The following PRDM16 variants were observed in gnomAD, a reference collection of about 807,000 sequenced individuals.
PRDM16 encodes the protein histone-lysine N-methyltransferase PRDM16.
PRDM16 carries 23 observed loss-of-function variants against 110.6 expected under a neutral mutation model. The observed-to-expected ratio is 0.21, with a 90% CI of 0.15 to 0.29. The LOEUF is 0.29. Ranked by LOEUF, PRDM16 falls within the 10% of genes least tolerant of loss-of-function variation. The probability of loss-of-function intolerance (pLI) is 1.00; values close to 1 mark genes in which losing one functional copy is unlikely to be tolerated. For missense variants in PRDM16, 1,615 were observed against 1,794.3 expected, an observed-to-expected ratio of 0.90 and a Z score of 1.81; for synonymous variants, 799 against 781.8, an observed-to-expected ratio of 1.02 and a Z score of -0.37.
At chr1:3,357,999 C>A (rs1377610975) in intron 3 of PRDM16, among the ~76,000 whole-genome samples, 1 of 152,254 alleles carries the variant, frequency 6.6e-6, no homozygotes, top group East Asian at 1.9e-4. Flanking sequence ...CCTTGCTGTG[C>A]CCTTCACTGA....
At chr1:3,070,980 A>AG (rs1288880356) in intron 1 of PRDM16, among the ~76,000 whole-genome samples, 3 of 152,158 alleles carry the variant, frequency 2.0e-5, no homozygotes, top group Non-Finnish European at 4.4e-5. Context: ...GCCGACGCGA[A>AG]GGGGCTGTCT....
chr1:3,240,273 C>A (rs1569905275), intron 2 of PRDM16, among the ~76,000 whole-genome samples: 1 of 151,600 alleles, frequency 6.6e-6, no homozygotes, highest in Non-Finnish European at 1.5e-5. Context: ...ACAAATTAGC[C>A]GGGATGGTGG....
chr1:3,272,229 G>A (rs1014817590), intron 3 of PRDM16, among the ~76,000 whole-genome samples: 6 of 152,206 alleles, frequency 3.9e-5, no homozygotes, highest in Non-Finnish European at 8.8e-5. Flanking sequence ...CACTCCACGG[G>A]GACAGGCGTG....
In PRDM16 at chr1:3,435,721, C is replaced by T. The variant is rs778016708; in HGVS notation, c.*1910C>T. The T allele has an allele frequency of 3.0e-5, 7 of 232,224 alleles. No homozygotes were observed. Among genetic ancestry groups the T allele is most frequent in the East Asian group, 6.1e-5 (1 of 16,478 alleles). 14.4% of individuals were successfully genotyped at this position (232,224 alleles called of 1,614,324 possible). A position where few individuals can be genotyped will look rare whatever the true frequency, so the allele number is the denominator to read the frequency against. Reference sequence around the variant, plus strand: ...GGACATCTCCTCAGGCTGTCCCCAGCGGTGACGGGAGGTGTCCTGGCTGCT... The same window carrying T: ...GGACATCTCCTCAGGCTGTCCCCAGTGGTGACGGGAGGTGTCCTGGCTGCT... On this transcript the variant is annotated 3_prime_UTR_variant, in exon 17 of 17. Coordinates refer to ENST00000270722, the MANE Select transcript of PRDM16 (RefSeq NM_022114.4).
intron 1 of PRDM16, among the ~76,000 whole-genome samples, chr1:3,171,871 G>C (rs1323577941): frequency 6.6e-6 from 1 of 152,084 alleles, no homozygotes; most frequent in African/African-American, 2.4e-5. Context: ...GCCCTGCTTG[G>C]ATCAGGCGCC....
chr1:3,106,264 G>A (rs147527903), intron 1 of PRDM16, among the ~76,000 whole-genome samples: 106 of 152,358 alleles, frequency 7.0e-4, no homozygotes, highest in Non-Finnish European at 1.2e-3. Context: ...CTTTGGATGC[G>A]ATGGGGGTGT....
Position 3,109,041 on chromosome 1 carries a change from C to A in PRDM16, c.37+39745C>A, listed in dbSNP as rs202039388. Reference sequence around the variant, plus strand: ...AGGTTGCAGTGAGCCAAGATTGCACCACTGCACTCCAGCCTGGGTGACAGA... The same window carrying A: ...AGGTTGCAGTGAGCCAAGATTGCACAACTGCACTCCAGCCTGGGTGACAGA... On this transcript the variant is annotated intron_variant, in intron 1 of 16. Transcript: ENST00000270722. Among the ~76,000 whole-genome samples, 20 of 151,686 alleles carry A rather than the reference C, an allele frequency of 1.3e-4. 1 individual carries two copies. The East Asian group carries it at 3.7e-3, about 28-fold the overall frequency.
chr1:3,107,109 G>T (rs1236698816), intron 1 of PRDM16, among the ~76,000 whole-genome samples: 6 of 152,358 alleles, frequency 3.9e-5, no homozygotes, highest in East Asian at 1.9e-4. Flanking sequence ...AGGAATTTTG[G>T]TGTCTGCTGC....
At chr1:3,327,998 G>C (rs1386656674) in intron 3 of PRDM16, among the ~76,000 whole-genome samples, 1 of 152,252 alleles carries the variant, frequency 6.6e-6, no homozygotes, top group African/African-American at 2.4e-5. Context: ...AGACCCCTTG[G>C]GAAAAGGAGC....
intron 3 of PRDM16, among the ~76,000 whole-genome samples, chr1:3,259,082 G>A (rs1366384378): frequency 6.6e-6 from 1 of 152,228 alleles, no homozygotes; most frequent in Non-Finnish European, 1.5e-5. Context: ...AGGCCAGAAG[G>A]AAGGCCTGGA....
At chr1:3,202,759 C>T (rs1047451052) in intron 2 of PRDM16, among the ~76,000 whole-genome samples, 1 of 152,204 alleles carries the variant, frequency 6.6e-6, no homozygotes, top group African/African-American at 2.4e-5. Flanking sequence ...AGGAGGACGG[C>T]TCAGGCTCAG....
intron 3 of PRDM16, among the ~76,000 whole-genome samples, chr1:3,310,611 C>G (rs2483259): frequency 0.19 from 28,723 of 152,186 alleles, 3,288 homozygotes; most frequent in Middle Eastern, 0.34. Flanking sequence ...CCCCAAGTCC[C>G]TCCACCTGCC....
chr1:3,323,808 C>T (rs1366027898), intron 3 of PRDM16, among the ~76,000 whole-genome samples: 1 of 152,230 alleles, frequency 6.6e-6, no homozygotes, highest in African/African-American at 2.4e-5. Context: ...TGGCCGTGGC[C>T]TGTGACAATG....
chr1:3,355,031 G>A (rs935215313), intron 3 of PRDM16, among the ~76,000 whole-genome samples: 5 of 152,156 alleles, frequency 3.3e-5, no homozygotes, highest in Non-Finnish European at 2.9e-5. Flanking sequence ...AGCACCAGGG[G>A]GGAACCCACC....
chr1:3,309,238 C>T (rs1461151072), intron 3 of PRDM16: 1 of 152,314 alleles, frequency 6.6e-6, no homozygotes, highest in Non-Finnish European at 1.5e-5. Context: ...GCAGGGCTCC[C>T]AGGGTGCACC....
chr1:3,288,533 C>G (rs1640906177), intron 3 of PRDM16, among the ~76,000 whole-genome samples: 1 of 152,240 alleles, frequency 6.6e-6, no homozygotes, highest in East Asian at 1.9e-4. Context: ...GGAGTGGTGG[C>G]AAAAGGGTCC....
At chr1:3,379,670 C>T (rs1368272186) in intron 3 of PRDM16, among the ~76,000 whole-genome samples, 1 of 7,068 alleles carries the variant, frequency 1.4e-4, no homozygotes, top group African/African-American at 1.8e-3. Flanking sequence ...CCCAGCACAC[C>T]CCTCCCAGCA....
Position 3,365,979 on chromosome 1 carries a change from C to T in PRDM16, c.439-19173C>T, listed in dbSNP as rs370564109. Reference sequence around the variant, plus strand: ...GCACACATGCACACACACGCACACACGCACACAAACATGCACACATACGCG... The same window carrying T: ...GCACACATGCACACACACGCACACATGCACACAAACATGCACACATACGCG... On this transcript the variant is annotated intron_variant, in intron 3 of 16. Transcript: ENST00000270722. 5.1e-4 allele frequency among the ~76,000 whole-genome samples: 77 copies of T among 151,836 alleles called. 1 individual carries two copies. The highest frequency in any genetic ancestry group is 1.7e-3 in the African/African-American group (72 of 41,182).
At chr1:3,107,807 T>G (rs1390483361) in intron 1 of PRDM16, among the ~76,000 whole-genome samples, 1 of 152,226 alleles carries the variant, frequency 6.6e-6, no homozygotes, top group African/African-American at 2.4e-5. Context: ...CTGGCCTCAC[T>G]CTCTCCCTGC....
Sources: gnomAD v4.1 joint callset for allele counts (sites outside exome capture counted in the v4.1 genomes callset) on GRCh38, gnomAD v4.1.1 for gene constraint, MANE v1.5 for transcripts, NCBI Gene and HGNC (gene_info 2026-07-23, HGNC 2026-07-21) for gene names.